The following KRT1 variants were observed in gnomAD, a reference collection of about 807,000 sequenced individuals.
The protein encoded by KRT1 is keratin 1, also known as keratin, type II cytoskeletal 1.
KRT1 carries 28 observed loss-of-function variants against 51.6 expected under a neutral mutation model. The ratio of observed to expected loss-of-function variants is 0.54; its 90% CI spans 0.40 to 0.74. The LOEUF (loss-of-function observed/expected upper bound fraction) is 0.74, where lower values mean the gene tolerates loss of function less well. Ranked by LOEUF, KRT1 falls within the 30% of genes least tolerant of loss-of-function variation. KRT1 has a pLI of 0.00. For synonymous variants in KRT1, 301 were observed against 307.7 expected (o/e 0.98, Z 0.23); for missense variants, 783 against 815.5 (o/e 0.96, Z 0.49).
chr12:52,677,890 T>C (rs1265925265), intron 3 of KRT1, 145 bp from the exon 4 acceptor site: 5 of 779,916 alleles, frequency 6.4e-6, no homozygotes, highest in Admixed American at 2.0e-5. Context: ...GTTCCCTAAC[T>C]GTCCCACCCC....
intron 6 of KRT1, among the ~76,000 whole-genome samples, chr12:52,676,740 T>C (rs547305123): frequency 6.6e-6 from 1 of 152,260 alleles, no homozygotes. Context: ...GACTTGACAT[T>C]CTTCTAAACA....
In KRT1 at chr12:52,677,653, T is replaced by C. The variant is rs1333367280; in HGVS notation, c.960A>G (p.Gln320=). The C allele has an allele frequency of 5.0e-6, 8 of 1,614,098 alleles. No individual in the cohort carries two copies. Among genetic ancestry groups the C allele is most frequent in the Non-Finnish European group, 6.8e-6 (8 of 1,179,944 alleles). ...QEIDFLTALY[Q]AELSQMQTQI... ...TGGTTGAAACTGGAAGACTTACTGC[T>C]TGGTAGAGTGCTGTAAGGAAATCAA... Residue 320 remains glutamine, a synonymous_variant, in exon 4 of 9, where the codon CAA becomes CAG. Transcript: ENST00000252244.
chr12:52,677,450 C>A lies in KRT1; in HGVS notation c.994G>T (p.Glu332Ter), dbSNP rs760448027. Reference protein sequence around the residue: ...ELSQMQTQISETNVILSMDNN... With the variant: ...ELSQMQTQIS ...TCCATAGAGAGGATGACATTAGTTT[C>A]ACTGATTTGAGTCTGCATCTGAGAC... is the stretch of plus-strand genomic sequence containing the variant. Residue 332 changes from glutamate (E) to a stop codon, truncating the protein, a stop_gained, in exon 5 of 9, where the codon GAA becomes TAA. Transcript: ENST00000252244. LOFTEE classifies it high-confidence loss of function. The A allele has an allele frequency of 1.9e-6, 3 of 1,614,216 alleles. No homozygotes were observed. The highest frequency in any genetic ancestry group is 2.2e-5 in the East Asian group (1 of 44,884).
At chr12:52,677,228 G>T in intron 5 of KRT1, 44 bp from the exon 6 acceptor site, 1 of 1,614,150 alleles carries the variant, frequency 6.2e-7, no homozygotes, top group South Asian at 1.1e-5. Context: ...GCAGAACTCA[G>T]CATGGCACAG....
intron 6 of KRT1, 120 bp downstream of exon 6, chr12:52,676,939 A>G (rs1450455904): frequency 1.1e-5 from 15 of 1,336,588 alleles, no homozygotes; most frequent in Middle Eastern, 1.9e-4. Context: ...AAAAGGAACC[A>G]GGGATAATAA....
At position 52,675,473 on chromosome 12, in the gene KRT1, T is replaced by C; in HGVS notation, c.1655A>G (p.Tyr552Cys). 1 of 1,394,520 alleles carries C rather than the reference T, an allele frequency of 7.2e-7. No individual in the cohort carries two copies. Among genetic ancestry groups the C allele is most frequent in the Non-Finnish European group, 9.7e-7 (1 of 1,035,880 alleles). 86.4% of individuals were successfully genotyped at this position (1,394,520 alleles called of 1,614,324 possible). Residue 552 changes from tyrosine (Y) to cysteine (C), a missense_variant, in exon 9 of 9, where the codon TAT becomes TGT. Transcript: ENST00000252244. ...GGGGGGGRGS[Y>C]GSGGSSYGSG... is the part of the protein sequence containing the mutation. Reference sequence around the variant, plus strand: ...GCCGTAGCTGCTACCTCCGGAGCCATAGCTGCCACGGCCGCCGCCGCCGCC... The same window carrying C: ...GCCGTAGCTGCTACCTCCGGAGCCACAGCTGCCACGGCCGCCGCCGCCGCC...
chr12:52,679,986 A>T lies in KRT1; in HGVS notation c.363T>A (p.Gly121=). The change falls in exon 1 of 9, where the codon GGT becomes GGA. Residue 121 remains glycine (G), a synonymous_variant. Coordinates refer to ENST00000252244, the MANE Select transcript of KRT1 (RefSeq NM_006121.4). ...GGGIGGGGFG[G]FGSGGGGFGG... Reference sequence around the variant, plus strand: ...CAAAACCACCACCACCACTGCCAAAACCACCAAAGCCACCACCCCCAATGC... The same window carrying T: ...CAAAACCACCACCACCACTGCCAAATCCACCAAAGCCACCACCCCCAATGC... 1 of 1,602,736 alleles carries T rather than the reference A, an allele frequency of 6.2e-7. No individual in the cohort carries two copies. Among genetic ancestry groups the T allele is most frequent in the Non-Finnish European group, 8.5e-7 (1 of 1,174,068 alleles).
rs1345209163 is a variant in KRT1 at position 52,678,102 on chromosome 12, T to C, written c.867+61A>G. The C allele has an allele frequency of 3.0e-5, 45 of 1,524,980 alleles. No individual in the cohort carries two copies. The Admixed American group carries it at 6.7e-4, about 23-fold the overall frequency. The allele number at this position is 1,524,980 out of a possible 1,614,324, so 94.5% of individuals were successfully genotyped here. On this transcript the variant is annotated intron_variant, in intron 3 of 8. Transcript: ENST00000252244. The stretch of plus-strand genomic sequence containing the variant: ...ATCATGGCTGCTTTCTGCTTAGTAA[T>C]TGGAGACCCTCTTCCCTTATTTATT...
chr12:52,676,277 G>C lies in KRT1; in HGVS notation c.1473C>G (p.Ser491Arg). 6.2e-7 allele frequency: 1 copy of C among 1,613,514 alleles called. No homozygotes were observed. Residue 491 changes from serine (S) to arginine (R), a missense_variant and splice_region_variant, in exon 7 of 9, where the codon AGC (serine) becomes AGG (arginine). Transcript: ENST00000252244. The part of the protein sequence containing the change: ...TYRTLLEGEE[S>R]RMSGECAPNV... Reference sequence around the variant, plus strand: ...GACTCCCAGCGTCCCTTCCTCACCTGCTTTCTTCTCCCTCCAGGAGGGTCC... The same window carrying C: ...GACTCCCAGCGTCCCTTCCTCACCTCCTTTCTTCTCCCTCCAGGAGGGTCC...
chr12:52,676,258 C>T lies in KRT1; in HGVS notation c.1475+17G>A. 6.2e-7 allele frequency: 1 copy of T among 1,603,378 alleles called. No individual in the cohort carries two copies. The highest frequency in any genetic ancestry group is 8.5e-7 in the Non-Finnish European group (1 of 1,170,258). On this transcript the variant is annotated intron_variant, in intron 7 of 8. Transcript: ENST00000252244. Reference sequence around the variant, plus strand: ...AGACCATGAGAAGAGGTTCGACTCCCAGCGTCCCTTCCTCACCTGCTTTCT... The same window carrying T: ...AGACCATGAGAAGAGGTTCGACTCCTAGCGTCCCTTCCTCACCTGCTTTCT...
rs756735090 is a variant in KRT1, at chr12:52,676,372, G to A, written c.1378C>T (p.Arg460Cys). Residue 460 changes from arginine (R) to cysteine (C), a missense_variant, in exon 7 of 9, where the codon CGC becomes TGC. Coordinates refer to ENST00000252244, the MANE Select transcript of KRT1 (RefSeq NM_006121.4). ...ALQQAKEDLARLLRDYQELMN... is the reference protein window; with the variant it reads ...ALQQAKEDLACLLRDYQELMN... ...AGCTCCTGGTAGTCGCGCAGCAGGC[G>A]GGCCAGGTCTTCCTTGGCCTGCTGC... is the stretch of plus-strand genomic sequence containing the variant. 40 of 1,614,178 alleles carry A rather than the reference G, an allele frequency of 2.5e-5. No homozygotes were observed. In the South Asian group the frequency reaches 3.1e-4, roughly 12 times the overall value.
Position 52,676,451 on chromosome 12 carries a change from G to T in KRT1, c.1299C>A (p.Gly433=), listed in dbSNP as rs540928638. The T allele has an allele frequency of 3.1e-6, 5 of 1,614,146 alleles. No individual in the cohort carries two copies. The highest frequency in any genetic ancestry group is 4.2e-6 in the Non-Finnish European group (5 of 1,180,034). The change falls in exon 7 of 9, where the codon GGC becomes GGA. Residue 433 remains glycine (G), a synonymous_variant. Coordinates refer to ENST00000252244, the MANE Select transcript of KRT1 (RefSeq NM_006121.4). The part of the protein sequence containing the change: ...QQSISDAEQR[G]ENALKDAKNK... ...TCTTGGCATCCTTGAGGGCATTCTC[G>T]CCACGCTGCTCTGCATCACTGATGG...
rs1302510459 is a variant in KRT1, at chr12:52,677,649, C to T, written c.963+1G>A. The T allele has an allele frequency of 6.2e-7, 1 of 1,614,090 alleles. No homozygotes were observed. Among genetic ancestry groups the T allele is most frequent in the Admixed American group, 1.7e-5 (1 of 60,026 alleles). ...AACTTGGTTGAAACTGGAAGACTTA[C>T]TGCTTGGTAGAGTGCTGTAAGGAAA... On this transcript the variant is annotated splice_donor_variant, in intron 4 of 8. Transcript: ENST00000252244. LOFTEE classifies it high-confidence loss of function.
At position 52,675,336 on chromosome 12, in the gene KRT1, T is replaced by TGCCGCC. The variant is rs762691398; in HGVS notation, c.1786_1791dup (p.Gly596_Gly597dup). ...CCGCCAGAGCCCCGGCCGCCAGAGC[T>TGCCGCC]GCCGCCGCCGCCGCCTCCAGAGCCA... On this transcript the variant is annotated inframe_insertion, in exon 9 of 9. Coordinates refer to ENST00000252244, the MANE Select transcript of KRT1 (RefSeq NM_006121.4). 2.5e-6 allele frequency: 4 copies of TGCCGCC among 1,609,810 alleles called. 1 individual carries two copies. The Admixed American group carries it at 6.7e-5, about 27-fold the overall frequency.
chr12:52,677,833 A>C, intron 3 of KRT1, 88 bp from the exon 4 acceptor site: 1 of 1,200,998 alleles, frequency 8.3e-7, no homozygotes, highest in Non-Finnish European at 1.2e-6. Flanking sequence ...AAGCAAAAAA[A>C]GGAGCTTTGG....
intron 7 of KRT1, 127 bp from the exon 8 acceptor site, chr12:52,675,871 T>G (rs1941496285): frequency 2.7e-6 from 3 of 1,092,424 alleles, no homozygotes; most frequent in African/African-American, 3.1e-5. Flanking sequence ...ATCTGAAACT[T>G]AATCCAATCC....
rs1381952736 is a variant in KRT1, at chr12:52,679,868, G to A, written c.481C>T (p.Leu161Phe). 6.2e-7 allele frequency: 1 copy of A among 1,613,982 alleles called. No individual in the cohort carries two copies. The change falls in exon 1 of 9, where the codon CTT becomes TTT. Residue 161 changes from leucine to phenylalanine, a missense_variant. Coordinates refer to ENST00000252244, the MANE Select transcript of KRT1 (RefSeq NM_006121.4). ...ATCTCCACATTGAGGGGCTGAAGAA[G>A]GCTCTGGTTGATAGTGACTTCTTGT... ...GIQEVTINQSLLQPLNVEIDP... is the reference protein window; with the variant it reads ...GIQEVTINQSFLQPLNVEIDP...
Position 52,675,626 on chromosome 12 carries a change from G to A in KRT1, c.1511-9C>T. On this transcript the variant is annotated splice_polypyrimidine_tract_variant and intron_variant, in intron 8 of 8. Coordinates refer to ENST00000252244, the MANE Select transcript of KRT1 (RefSeq NM_006121.4). ...GTGGCTTGTGCTCACAGCTGCAAGAGGAAGCTCAGTTATTTTCAACCTCAA... is the reference window on the plus strand; with the variant it reads ...GTGGCTTGTGCTCACAGCTGCAAGAAGAAGCTCAGTTATTTTCAACCTCAA... The A allele has an allele frequency of 6.2e-7, 1 of 1,614,200 alleles. No homozygotes were observed.
chr12:52,676,167 C>A, intron 7 of KRT1, 108 bp downstream of exon 7: 1 of 948,464 alleles, frequency 1.1e-6, no homozygotes, highest in South Asian at 1.4e-5. Flanking sequence ...TTTCATTTCC[C>A]CATACCCAGC....
Sources: allele counts gnomAD v4.1 joint callset (sites outside exome capture counted in the v4.1 genomes callset), GRCh38; gene constraint gnomAD v4.1.1; transcripts MANE v1.5; gene names NCBI Gene and HGNC (gene_info 2026-07-23, HGNC 2026-07-21).